TNFAIP6: variants seen among roughly 807,000 people sequenced by gnomAD.
TNFAIP6 encodes tumor necrosis factor-inducible gene 6 protein.
TNFAIP6 carries 36 observed loss-of-function variants against 33.7 expected under a neutral mutation model. The observed-to-expected ratio is 1.07, with a 90% CI of 0.82 to 1.41. The LOEUF is 1.41. Ranked by LOEUF, TNFAIP6 falls within the 40% of genes most tolerant of loss-of-function variation. TNFAIP6 has a pLI of 0.00. For missense variants in TNFAIP6, 273 were observed against 331.9 expected (o/e 0.82, Z 1.38); for synonymous variants, 113 against 112.8 (o/e 1.00, Z -0.01).
chr2:151,362,322 AAAAGAC>A (rs1236126144), intron 1 of TNFAIP6, among the ~76,000 whole-genome samples: 1 of 152,128 alleles, frequency 6.6e-6, no homozygotes, highest in African/African-American at 2.4e-5. Context: ...TGTGAACTAA[AAAAGAC>A]AAATCAGATA....
intron 1 of TNFAIP6, among the ~76,000 whole-genome samples, chr2:151,362,271 A>G (rs571280034): frequency 9.2e-5 from 14 of 152,286 alleles, no homozygotes; most frequent in Admixed American, 9.2e-4. Flanking sequence ...AAGACAACTC[A>G]TGTATGACTT....
chr2:151,375,524 C>A (rs909904015), intron 5 of TNFAIP6, among the ~76,000 whole-genome samples: 2 of 151,934 alleles, frequency 1.3e-5, no homozygotes, highest in Non-Finnish European at 2.9e-5. Context: ...CTGGCTAACA[C>A]GGTGAAACTC....
intron 1 of TNFAIP6, among the ~76,000 whole-genome samples, chr2:151,359,560 T>G (rs566594167): frequency 6.6e-6 from 1 of 152,172 alleles, no homozygotes; most frequent in South Asian, 2.1e-4. Context: ...GGCTAATTTT[T>G]TGTATTTTTA....
intron 4 of TNFAIP6, chr2:151,372,140 A>G (rs1684826220): frequency 6.6e-6 from 1 of 152,204 alleles, no homozygotes; most frequent in South Asian, 2.1e-4. Flanking sequence ...ACCTCTCAGG[A>G]GTAGGGTACC....
At chr2:151,360,826 G>A (rs1465095988) in intron 1 of TNFAIP6, among the ~76,000 whole-genome samples, 1 of 152,018 alleles carries the variant, frequency 6.6e-6, no homozygotes, top group African/African-American at 2.4e-5. Context: ...AGTTTCAGTA[G>A]GTACCAAAAG....
intron 1 of TNFAIP6, among the ~76,000 whole-genome samples, chr2:151,362,725 C>T (rs891497573): frequency 3.9e-5 from 6 of 152,078 alleles, no homozygotes; most frequent in East Asian, 1.9e-4. Flanking sequence ...CTCCTGACCT[C>T]GTGATCCGCC....
intron 5 of TNFAIP6, 81 bp from the exon 6 acceptor site, chr2:151,379,283 T>G: frequency 2.6e-5 from 32 of 1,244,374 alleles, no homozygotes; most frequent in South Asian, 3.3e-5. Flanking sequence ...TATTCTCCTA[T>G]GAGAATGAAG....
chr2:151,376,865 C>CTTTTTCTTTTTTTT (rs1684916537), intron 5 of TNFAIP6, among the ~76,000 whole-genome samples: 2 of 114,158 alleles, frequency 1.8e-5, no homozygotes, highest in Non-Finnish European at 1.7e-5. Context: ...TTTTTCTTTT[C>CTTTTTCTTTTTTTT]TTTTTTTTTT....
At chr2:151,372,953 T>G (rs1684841606) in intron 4 of TNFAIP6, among the ~76,000 whole-genome samples, 1 of 152,086 alleles carries the variant, frequency 6.6e-6, no homozygotes, top group South Asian at 2.1e-4. Flanking sequence ...TTTTTCCAAA[T>G]AGATTCAAAT....
At position 151,357,697 on chromosome 2, in the gene TNFAIP6, C is replaced by T; in HGVS notation, c.31C>T (p.Leu11=). The T allele has an allele frequency of 1.9e-6, 3 of 1,612,338 alleles. No homozygotes were observed. The highest frequency in any genetic ancestry group is 2.2e-5 in the East Asian group (1 of 44,856). The stretch of plus-strand genomic sequence containing the variant: ...CATCTTAATTTACTTATTTCTCTTG[C>T]TATGGGAAGACACTCAAGGATGGGG... The part of the protein sequence containing the change: MIILIYLFLL[L]WEDTQGWGFK... Residue 11 remains leucine (L), a synonymous_variant, in exon 1 of 6, where the codon CTA becomes TTA. Transcript: ENST00000243347.
intron 3 of TNFAIP6, 54 bp from the exon 4 acceptor site, chr2:151,369,966 T>A: frequency 7.5e-7 from 1 of 1,329,306 alleles, no homozygotes; most frequent in Admixed American, 2.1e-5. Flanking sequence ...TTAACAGGGA[T>A]AATGTTTTTC....
chr2:151,362,616 G>C (rs905599677), intron 1 of TNFAIP6, among the ~76,000 whole-genome samples: 2 of 144,484 alleles, frequency 1.4e-5, no homozygotes, highest in African/African-American at 5.1e-5. Context: ...TCAGCCTCCC[G>C]AGTAGCTGGG....
intron 1 of TNFAIP6, among the ~76,000 whole-genome samples, chr2:151,359,668 G>T (rs1331683841): frequency 6.6e-6 from 1 of 152,140 alleles, no homozygotes; most frequent in Non-Finnish European, 1.5e-5. Flanking sequence ...GATTATAGGC[G>T]TGAGCCACCG....
At chr2:151,362,615 C>T (rs1399328431) in intron 1 of TNFAIP6, among the ~76,000 whole-genome samples, 10 of 150,564 alleles carry the variant, frequency 6.6e-5, no homozygotes, top group South Asian at 2.1e-4. Flanking sequence ...CTCAGCCTCC[C>T]GAGTAGCTGG....
intron 5 of TNFAIP6, among the ~76,000 whole-genome samples, chr2:151,378,667 T>A (rs1228855527): frequency 2.0e-5 from 3 of 151,746 alleles, no homozygotes; most frequent in Admixed American, 1.3e-4. Context: ...TTTTGTATTT[T>A]TAATAGAGAC....
intron 1 of TNFAIP6, among the ~76,000 whole-genome samples, chr2:151,359,683 T>A (rs555684573): frequency 6.6e-6 from 1 of 152,168 alleles, no homozygotes; most frequent in Non-Finnish European, 1.5e-5. Context: ...CCACCGCACC[T>A]GGCCCAGGGA....
intron 3 of TNFAIP6, among the ~76,000 whole-genome samples, chr2:151,368,020 C>T (rs993018869): frequency 6.6e-6 from 1 of 151,746 alleles, no homozygotes; most frequent in Non-Finnish European, 1.5e-5. Context: ...CAAATTAGTT[C>T]AATATTTGAA....
Position 151,373,541 on chromosome 2 carries a change from CT to C in TNFAIP6, c.624-4del. 6.5e-7 allele frequency: 1 copy of C among 1,530,932 alleles called. No individual in the cohort carries two copies. The highest frequency in any genetic ancestry group is 1.9e-5 in the Admixed American group (1 of 52,732). 94.8% of individuals were successfully genotyped at this position (1,530,932 alleles called of 1,614,324 possible). Reference sequence around the variant, plus strand: ...TGTGACATCTCTTTTCTAAAAATTCCTTTTCAGATACTGTGGAGATGAGCTT... The same window carrying C: ...TGTGACATCTCTTTTCTAAAAATTCCTTTCAGATACTGTGGAGATGAGCTT... On this transcript the variant is annotated splice_polypyrimidine_tract_variant and splice_region_variant and intron_variant, in intron 4 of 5. Coordinates refer to ENST00000243347, the MANE Select transcript of TNFAIP6 (RefSeq NM_007115.4).
At chr2:151,375,105 A>G (rs1355268446) in intron 5 of TNFAIP6, among the ~76,000 whole-genome samples, 1 of 148,020 alleles carries the variant, frequency 6.8e-6, no homozygotes, top group Non-Finnish European at 1.5e-5. Context: ...AGCCTGAGCA[A>G]CAAGAGCAAA....
Sources: gnomAD v4.1 joint callset for allele counts (sites outside exome capture counted in the v4.1 genomes callset) on GRCh38, gnomAD v4.1.1 for gene constraint, MANE v1.5 for transcripts, NCBI Gene and HGNC (gene_info 2026-07-23, HGNC 2026-07-21) for gene names.